The following DCLK1 variants were observed in gnomAD, a reference collection of about 807,000 sequenced individuals.
DCLK1 encodes doublecortin like kinase 1.
DCLK1 carries 16 observed loss-of-function variants against 86.2 expected under a neutral mutation model. That is an observed-to-expected ratio of 0.19 (90% CI 0.13 to 0.28). The LOEUF is 0.28. DCLK1 is among the 10% of genes least tolerant of loss of function. DCLK1 has a pLI of 1.00. For missense variants in DCLK1, 590 were observed against 940.2 expected (o/e 0.63, Z 4.87); for synonymous variants, 369 against 370.5 (o/e 1.00, Z 0.05).
At chr13:36,106,429 G>A (rs1055399945) in intron 3 of DCLK1, among the ~76,000 whole-genome samples, 1 of 152,124 alleles carries the variant, frequency 6.6e-6, no homozygotes, top group Non-Finnish European at 1.5e-5. Flanking sequence ...TAAATCATGA[G>A]GATGGTTTAA....
intron 3 of DCLK1, among the ~76,000 whole-genome samples, chr13:36,007,269 C>G (rs537112320): frequency 1.3e-5 from 2 of 152,194 alleles, no homozygotes; most frequent in Non-Finnish European, 2.9e-5. Flanking sequence ...ACCAATAGTG[C>G]CTTCTTACTG....
intron 6 of DCLK1, 85 bp from the exon 7 acceptor site, chr13:35,839,261 G>T: frequency 7.9e-7 from 1 of 1,262,650 alleles, no homozygotes; most frequent in Non-Finnish European, 1.1e-6. Context: ...GGAATCTCAG[G>T]AGAAAACTTT....
At chr13:35,936,961 G>GTTTTTTTTTTTTTTTTT (rs1566610732) in intron 4 of DCLK1, among the ~76,000 whole-genome samples, 6 of 91,544 alleles carry the variant, frequency 6.6e-5, no homozygotes, top group Non-Finnish European at 8.7e-5. Context: ...AGAAAAGTTA[G>GTTTTTTTTTTTTTTTTT]CTTTTTTTTT....
chr13:35,877,323 C>T (rs369048952), intron 4 of DCLK1, among the ~76,000 whole-genome samples: 2 of 152,200 alleles, frequency 1.3e-5, no homozygotes, highest in East Asian at 1.9e-4. Flanking sequence ...ATCCTCCCCC[C>T]ACTCAGAAAC....
intron 6 of DCLK1, among the ~76,000 whole-genome samples, chr13:35,851,244 G>T (rs144891677): frequency 2.6e-5 from 4 of 152,308 alleles, no homozygotes; most frequent in Non-Finnish European, 5.9e-5. Context: ...TAAAACCCAA[G>T]AAAGCATTGC....
At chr13:35,927,609 G>T (rs1037936136) in intron 4 of DCLK1, among the ~76,000 whole-genome samples, 18 of 152,158 alleles carry the variant, frequency 1.2e-4, no homozygotes, top group Admixed American at 9.2e-4. Context: ...ACATGTGTCT[G>T]GTTTTCTTCC....
intron 3 of DCLK1, among the ~76,000 whole-genome samples, chr13:36,109,049 G>A (rs1885514109): frequency 6.6e-6 from 1 of 152,152 alleles, no homozygotes; most frequent in Admixed American, 6.5e-5. Context: ...TTTCTCTTTT[G>A]AGCCAAAAAG....
intron 8 of DCLK1, among the ~76,000 whole-genome samples, chr13:35,833,931 A>C (rs1869160092): frequency 6.6e-6 from 1 of 152,206 alleles, no homozygotes; most frequent in Admixed American, 6.5e-5. Context: ...ATGTGAACTC[A>C]CGCAAAACAA....
At chr13:35,900,982 C>A (rs780887359) in intron 4 of DCLK1, among the ~76,000 whole-genome samples, 1 of 151,914 alleles carries the variant, frequency 6.6e-6, no homozygotes, top group Non-Finnish European at 1.5e-5. Context: ...AAAGACTCAA[C>A]AAAGTATTTT....
chr13:36,006,782 G>A (rs1170944489), intron 3 of DCLK1, among the ~76,000 whole-genome samples: 1 of 152,212 alleles, frequency 6.6e-6, no homozygotes, highest in African/African-American at 2.4e-5. Context: ...CAGGTTTAGG[G>A]CAAAAGCTAG....
intron 3 of DCLK1, among the ~76,000 whole-genome samples, chr13:36,023,832 C>T (rs1881898525): frequency 6.6e-6 from 1 of 151,820 alleles, no homozygotes; most frequent in Admixed American, 6.6e-5. Flanking sequence ...TACAGAAATA[C>T]TGAAAGCTTT....
chr13:36,049,496 C>T (rs986535453), intron 3 of DCLK1, among the ~76,000 whole-genome samples: 30 of 152,142 alleles, frequency 2.0e-4, no homozygotes, highest in African/African-American at 5.8e-4. Flanking sequence ...TCCAATATTC[C>T]AAGTCCTCTA....
intron 6 of DCLK1, chr13:35,848,241 T>G: frequency 1.0e-6 from 1 of 985,040 alleles, no homozygotes; most frequent in Non-Finnish European, 1.2e-6. Flanking sequence ...ATTCTATAAG[T>G]AACTCAATCA....
intron 3 of DCLK1, among the ~76,000 whole-genome samples, chr13:36,004,921 C>T (rs1880884687): frequency 6.6e-6 from 1 of 152,194 alleles, no homozygotes; most frequent in Admixed American, 6.5e-5. Context: ...CACTTATTGT[C>T]TACTGTGTGT....
intron 4 of DCLK1, among the ~76,000 whole-genome samples, chr13:35,875,784 G>A (rs75274065): frequency 0.019 from 2,882 of 152,214 alleles, 92 homozygotes; most frequent in African/African-American, 0.066. Flanking sequence ...GTAGCTGCTC[G>A]ATAAATATCG....
At chr13:36,049,348 A>AT (rs1480033172) in intron 3 of DCLK1, among the ~76,000 whole-genome samples, 1 of 152,200 alleles carries the variant, frequency 6.6e-6, no homozygotes, top group Non-Finnish European at 1.5e-5. Context: ...GAAAGAGTAA[A>AT]TGCATATCTG....
intron 3 of DCLK1, among the ~76,000 whole-genome samples, chr13:36,020,160 A>G (rs1881712460): frequency 6.6e-6 from 1 of 152,238 alleles, no homozygotes; most frequent in African/African-American, 2.4e-5. Flanking sequence ...TGCTGGTGCC[A>G]TGCTTCTTGT....
intron 4 of DCLK1, among the ~76,000 whole-genome samples, chr13:35,946,295 T>C (rs1877378823): frequency 6.6e-6 from 1 of 152,220 alleles, no homozygotes; most frequent in African/African-American, 2.4e-5. Context: ...TGAGCCACCA[T>C]GCCCATCCTC....
At chr13:35,915,418 A>G (rs970544744) in intron 4 of DCLK1, among the ~76,000 whole-genome samples, 4 of 152,184 alleles carry the variant, frequency 2.6e-5, no homozygotes, top group African/African-American at 9.7e-5. Context: ...GATGAGTTTT[A>G]GGCTGGGTGT....
Sources: gnomAD v4.1 joint callset for allele counts (sites outside exome capture counted in the v4.1 genomes callset) on GRCh38, gnomAD v4.1.1 for gene constraint, MANE v1.5 for transcripts, NCBI Gene and HGNC (gene_info 2026-07-23, HGNC 2026-07-21) for gene names.